Variants in ADGRL3 observed in about 807,000 individuals in gnomAD.
The protein encoded by ADGRL3 is calcium-independent alpha-latrotoxin receptor 3.
Under a neutral mutation model 153.5 loss-of-function variants are expected in ADGRL3, and 62 were observed. The ratio of observed to expected loss-of-function variants is 0.40; its 90% CI spans 0.33 to 0.50. ADGRL3 has a LOEUF of 0.50. Ranked by LOEUF, ADGRL3 falls within the 20% of genes least tolerant of loss-of-function variation. The pLI is 0.47. For synonymous variants in ADGRL3, 710 were observed against 672.5 expected, an observed-to-expected ratio of 1.06 and a Z score of -0.86; for missense variants, 1,641 against 1,859.4, an observed-to-expected ratio of 0.88 and a Z score of 2.16.
chr4:61,829,701 T>TA (rs1554041585), intron 9 of ADGRL3, among the ~76,000 whole-genome samples: 2 of 152,146 alleles, frequency 1.3e-5, no homozygotes, highest in Non-Finnish European at 2.9e-5. Flanking sequence ...CCACTTTTTT[T>TA]AAAAAAAGAA....
chr4:61,666,279 C>A (rs775348734), intron 5 of ADGRL3, among the ~76,000 whole-genome samples: 2 of 152,066 alleles, frequency 1.3e-5, no homozygotes, highest in Non-Finnish European at 2.9e-5. Flanking sequence ...TACTTGACTT[C>A]AATATCTAGT....
chr4:61,856,366 C>T (rs192526210), intron 9 of ADGRL3, among the ~76,000 whole-genome samples: 1 of 141,700 alleles, frequency 7.1e-6, no homozygotes. Flanking sequence ...TCCTTCTTCC[C>T]TTCCTTCCTT....
intron 2 of ADGRL3, among the ~76,000 whole-genome samples, chr4:61,394,833 AG>A (rs2096852036): frequency 1.3e-5 from 2 of 152,108 alleles, no homozygotes; most frequent in African/African-American, 4.8e-5. Context: ...GTGTAATGGA[AG>A]CAAGCAGTTG....
At chr4:61,991,084 G>A (rs143630715) in intron 19 of ADGRL3, among the ~76,000 whole-genome samples, 1,822 of 151,514 alleles carry the variant, frequency 0.012, 24 homozygotes, top group Non-Finnish European at 0.016. Context: ...AGACATCTAT[G>A]TCTAGCATAG....
chr4:61,200,812 G>C lies in ADGRL3; in HGVS notation c.-1193G>C, dbSNP rs1423848079. On this transcript the variant is annotated 5_prime_UTR_variant, in exon 1 of 27. Transcript: ENST00000683033. ...AGACAGCGGCGGCGGCGCAGAGCCC[G>C]GGGCCGCGCGATGAAGCTCCCACAT... 2.7e-5 allele frequency among the ~76,000 whole-genome samples: 4 copies of C among 150,528 alleles called. No individual in the cohort carries two copies. Among genetic ancestry groups the C allele is most frequent in the Non-Finnish European group, 5.9e-5 (4 of 67,492 alleles).
chr4:61,791,389 C>T (rs2097340005), intron 8 of ADGRL3, among the ~76,000 whole-genome samples: 1 of 152,200 alleles, frequency 6.6e-6, no homozygotes, highest in Non-Finnish European at 1.5e-5. Flanking sequence ...AAATGATCTC[C>T]TTTGACTCCA....
chr4:61,314,520 T>C (rs1001425466), intron 1 of ADGRL3, among the ~76,000 whole-genome samples: 2 of 152,206 alleles, frequency 1.3e-5, no homozygotes, highest in Non-Finnish European at 2.9e-5. Flanking sequence ...CTACCTTGAT[T>C]TTTACCACTG....
At chr4:62,037,040 A>G (rs892827449) in intron 23 of ADGRL3, among the ~76,000 whole-genome samples, 2 of 152,280 alleles carry the variant, frequency 1.3e-5, no homozygotes, top group Admixed American at 6.5e-5. Context: ...CAAGAATGCT[A>G]TAAAGTAATT....
At chr4:62,021,510 AC>A (rs1560516214) in intron 21 of ADGRL3, among the ~76,000 whole-genome samples, 1 of 152,186 alleles carries the variant, frequency 6.6e-6, no homozygotes, top group Non-Finnish European at 1.5e-5. Context: ...AAAATTGCAT[AC>A]AGGCATACCT....
intron 2 of ADGRL3, among the ~76,000 whole-genome samples, chr4:61,409,288 T>A (rs1344962904): frequency 1.4e-5 from 2 of 143,646 alleles, no homozygotes; most frequent in Non-Finnish European, 3.0e-5. Context: ...ATATATTATA[T>A]ATATTAGACA....
At chr4:61,447,917 C>A (rs2097605481) in intron 2 of ADGRL3, among the ~76,000 whole-genome samples, 1 of 152,116 alleles carries the variant, frequency 6.6e-6, no homozygotes, top group Admixed American at 6.5e-5. Flanking sequence ...AACTTGATTT[C>A]CAAACAACAA....
Position 61,301,130 on chromosome 4 carries a change from G to A in ADGRL3, c.-239-81994G>A, listed in dbSNP as rs916262457. 3.4e-4 allele frequency among the ~76,000 whole-genome samples: 51 copies of A among 152,134 alleles called. 2 individuals carry two copies. Among genetic ancestry groups the A allele is most frequent in the Non-Finnish European group, 4.4e-5 (3 of 68,026 alleles). Reference sequence around the variant, plus strand: ...GAAAGATTTGGAAGTCATTGATAAAGCTGCAGATTATGGTCTCTGTTCTAA... The same window carrying A: ...GAAAGATTTGGAAGTCATTGATAAAACTGCAGATTATGGTCTCTGTTCTAA... On this transcript the variant is annotated intron_variant, in intron 1 of 26. Transcript: ENST00000683033.
Position 61,983,254 on chromosome 4 carries a change from C to T in ADGRL3, c.3016-129C>T, listed in dbSNP as rs2099074644. ...GTTTTAATATCTGTGTTTTAAGAAT[C>T]TTCCCTAGGTTATTATTTTGCAGAT... is the stretch of plus-strand genomic sequence containing the variant. On this transcript the variant is annotated intron_variant, in intron 18 of 26. Coordinates refer to ENST00000683033, the MANE Select transcript of ADGRL3 (RefSeq NM_001387552.1). The T allele has an allele frequency of 9.3e-6, 6 of 641,778 alleles. No individual in the cohort carries two copies. In the South Asian group the frequency reaches 1.3e-4, roughly 14 times the overall value. 39.8% of individuals were successfully genotyped at this position (641,778 alleles called of 1,614,324 possible).
rs1580556217 is a variant in ADGRL3 at position 61,742,794 on chromosome 4, A to C, written c.1399+9240A>C. The stretch of plus-strand genomic sequence containing the variant: ...ACTATATAATTTTACAAGATGAGGT[A>C]TGTTAACTGATTTCCCTGAAAACAA... On this transcript the variant is annotated intron_variant, in intron 8 of 26. Transcript: ENST00000683033. 4.6e-5 allele frequency among the ~76,000 whole-genome samples: 7 copies of C among 152,348 alleles called. 1 individual carries two copies. The East Asian group carries it at 1.2e-3, about 25-fold the overall frequency.
At chr4:61,283,688 A>C (rs72634739) in intron 1 of ADGRL3, among the ~76,000 whole-genome samples, 2,749 of 152,048 alleles carry the variant, frequency 0.018, 35 homozygotes, top group Middle Eastern at 0.037. Context: ...AAAGGGAAAA[A>C]ACACGACATA....
chr4:61,402,599 T>A (rs1429878267), intron 2 of ADGRL3, among the ~76,000 whole-genome samples: 4 of 152,054 alleles, frequency 2.6e-5, no homozygotes, highest in Non-Finnish European at 4.4e-5. Context: ...CACCAGAATC[T>A]CTTTCCCTTT....
At chr4:61,350,713 T>C (rs2096026768) in intron 1 of ADGRL3, among the ~76,000 whole-genome samples, 1 of 152,152 alleles carries the variant, frequency 6.6e-6, no homozygotes, top group African/African-American at 2.4e-5. Flanking sequence ...TTGATGTTAC[T>C]ACTGTTATTA....
At chr4:61,758,373 G>T (rs1021981571) in intron 8 of ADGRL3, among the ~76,000 whole-genome samples, 5 of 152,132 alleles carry the variant, frequency 3.3e-5, no homozygotes, top group African/African-American at 9.7e-5. Context: ...CCTGTATTGG[G>T]TGCATATATA....
chr4:62,054,262 A>G (rs1735826868), intron 25 of ADGRL3, among the ~76,000 whole-genome samples: 1 of 151,698 alleles, frequency 6.6e-6, no homozygotes, highest in Admixed American at 6.6e-5. Context: ...GAACACAGAA[A>G]TACATGGCTT....
Sources: gnomAD v4.1 joint callset for allele counts (sites outside exome capture counted in the v4.1 genomes callset) on GRCh38, gnomAD v4.1.1 for gene constraint, MANE v1.5 for transcripts, NCBI Gene and HGNC (gene_info 2026-07-23, HGNC 2026-07-21) for gene names.